The following SYNE2 variants were observed in gnomAD, a reference collection of about 807,000 sequenced individuals.
The protein encoded by SYNE2 is nesprin-2.
In SYNE2, 431 loss-of-function variants were observed where a neutral mutation model predicts 856.3. That is an observed-to-expected ratio of 0.50 (90% CI 0.47 to 0.55). The LOEUF (loss-of-function observed/expected upper bound fraction) is 0.55, where lower values mean the gene tolerates loss of function less well. SYNE2 is among the 20% of genes least tolerant of loss of function. SYNE2 has a pLI of 0.00. For synonymous variants in SYNE2, 2,923 were observed against 2,872.3 expected (o/e 1.02, Z -0.56); for missense variants, 8,129 against 8,023.2 (o/e 1.01, Z -0.50).
chr14:64,026,873 G>C (rs2096984283), intron 42 of SYNE2, 143 bp downstream of exon 42: 1 of 983,212 alleles, frequency 1.0e-6, no homozygotes. Context: ...ACAGTGTCAA[G>C]AGACAGAAAC....
chr14:64,203,054 G>A, intron 100 of SYNE2, 91 bp downstream of exon 100: 2 of 1,486,156 alleles, frequency 1.3e-6, no homozygotes, highest in Non-Finnish European at 1.8e-6. Flanking sequence ...GTGTTTTCAC[G>A]TGCTCACATT....
intron 94 of SYNE2, among the ~76,000 whole-genome samples, chr14:64,171,014 C>T (rs188308780): frequency 2.2e-3 from 336 of 152,158 alleles, no homozygotes; most frequent in African/African-American, 7.7e-3. Flanking sequence ...ATGGAAACCC[C>T]GTTCTCCATG....
At chr14:63,960,780 A>G (rs1196409351) in intron 8 of SYNE2, 2 of 763,812 alleles carry the variant, frequency 2.6e-6, no homozygotes, top group Non-Finnish European at 4.8e-6. Context: ...TATGCCTGGC[A>G]CAGTGTCTTG....
chr14:64,113,351 C>G lies in SYNE2; in HGVS notation c.12620C>G (p.Pro4207Arg), dbSNP rs2097827716. 2 of 1,613,858 alleles carry G rather than the reference C, an allele frequency of 1.2e-6. No individual in the cohort carries two copies. Among genetic ancestry groups the G allele is most frequent in the Non-Finnish European group, 8.5e-7 (1 of 1,180,046 alleles). The change falls in exon 66 of 116, where the codon CCT becomes CGT. Residue 4207 changes from proline (P) to arginine (R), a missense_variant. Pro to Arg is a moderately radical substitution (Grantham distance 103). Coordinates refer to ENST00000555002, the MANE Select transcript of SYNE2 (RefSeq NM_182914.3). Reference protein sequence around the residue: ...RPNQTEEGTTPPIEADTLDSS... With the variant: ...RPNQTEEGTTRPIEADTLDSS... ...TTGGATTTCTCTTAGGGCACCACACCTCCTATTGAGGCTGACACTCTGGAC... is the reference window on the plus strand; with the variant it reads ...TTGGATTTCTCTTAGGGCACCACACGTCCTATTGAGGCTGACACTCTGGAC...
chr14:63,968,423 A>G (rs1374531612), intron 11 of SYNE2, among the ~76,000 whole-genome samples: 3 of 152,152 alleles, frequency 2.0e-5, no homozygotes, highest in African/African-American at 4.8e-5. Context: ...ACAGTAGATT[A>G]TCTATATTTT....
intron 50 of SYNE2, 86 bp downstream of exon 50, chr14:64,062,981 T>C (rs988198948): frequency 4.5e-5 from 67 of 1,481,476 alleles, no homozygotes; most frequent in Non-Finnish European, 6.0e-5. Context: ...TGTGGTCCTG[T>C]TAAGACGCGT....
Position 63,983,873 on chromosome 14 carries a change from A to T in SYNE2, c.2138A>T (p.Asn713Ile). Residue 713 changes from asparagine (N) to isoleucine (I), a missense_variant, in exon 18 of 116, where the codon AAT (asparagine) becomes ATT (isoleucine). By Grantham distance (149) the Asn-to-Ile change is moderately radical. This residue lies in a region of SYNE2 where 2,422 missense variants were observed against 2,357.4 expected (regional missense o/e 1.03). Transcript: ENST00000555002. ...TCAGTAGAACTTCCTGAAAATTATA[A>T]TCAAAATATAAAGGTAAAATAATCA... ...DMSVELPENYNQNIKAGEKHE... is the reference protein window; with the variant it reads ...DMSVELPENYIQNIKAGEKHE... The T allele has an allele frequency of 1.3e-6, 2 of 1,543,556 alleles. No homozygotes were observed. The highest frequency in any genetic ancestry group is 2.3e-5 in the South Asian group (2 of 87,414).
At chr14:64,127,837 A>T (rs528605139) in intron 73 of SYNE2, among the ~76,000 whole-genome samples, 47 of 152,370 alleles carry the variant, frequency 3.1e-4, no homozygotes, top group African/African-American at 1.1e-3. Flanking sequence ...CAGGTTAAAC[A>T]GCACACTGGG....
intron 6 of SYNE2, among the ~76,000 whole-genome samples, chr14:63,944,122 C>T (rs1278272374): frequency 1.3e-5 from 2 of 151,024 alleles, no homozygotes; most frequent in Non-Finnish European, 2.9e-5. Context: ...CTGTAATCTA[C>T]CACTCACTAT....
intron 54 of SYNE2, among the ~76,000 whole-genome samples, chr14:64,077,022 C>G (rs866782639): frequency 3.3e-5 from 5 of 152,088 alleles, no homozygotes; most frequent in South Asian, 2.1e-4. Context: ...TTGAGAGAAA[C>G]TAAATGTTAT....
At chr14:64,222,017 G>A (rs2098696629) in intron 112 of SYNE2, among the ~76,000 whole-genome samples, 1 of 152,214 alleles carries the variant, frequency 6.6e-6, no homozygotes, top group Admixed American at 6.5e-5. Context: ...TGCTCATTGG[G>A]GAGAAATATG....
At chr14:63,992,018 G>C (rs2096670832) in intron 21 of SYNE2, among the ~76,000 whole-genome samples, 1 of 152,014 alleles carries the variant, frequency 6.6e-6, no homozygotes, top group Admixed American at 6.6e-5. Flanking sequence ...AGTCATTTCA[G>C]CATTGCTTTT....
At chr14:63,807,341 CA>C (rs574264237) in intron 1 of SYNE2, among the ~76,000 whole-genome samples, 945 of 86,632 alleles carry the variant, frequency 0.011, 10 homozygotes, top group African/African-American at 0.027. Context: ...GACCCTGTCT[CA>C]AAAAAAAAAA....
At chr14:64,038,695 C>T (rs1423080655) in intron 45 of SYNE2, among the ~76,000 whole-genome samples, 1 of 152,244 alleles carries the variant, frequency 6.6e-6, no homozygotes, top group Admixed American at 6.5e-5. Context: ...ATACGAAAAC[C>T]AGTCAGGCGT....
At chr14:64,037,669 GGCCGGGC>G in intron 45 of SYNE2, among the ~76,000 whole-genome samples, 21 of 16,358 alleles carry the variant, frequency 1.3e-3, no homozygotes, top group Admixed American at 9.5e-3. Flanking sequence ...ACAGGGTGGT[GGCCGGGC>G]AGAGGGGCCC....
chr14:64,209,686 C>A (rs1259837474), intron 102 of SYNE2, 108 bp downstream of exon 102: 2 of 1,495,662 alleles, frequency 1.3e-6, no homozygotes, highest in Non-Finnish European at 1.8e-6. Context: ...TCACCTCTGG[C>A]AAGGGCTGCC....
At chr14:63,919,834 G>A (rs913913214) in intron 2 of SYNE2, among the ~76,000 whole-genome samples, 1 of 152,150 alleles carries the variant, frequency 6.6e-6, no homozygotes, top group African/African-American at 2.4e-5. Context: ...CTTAGCCACT[G>A]TCAAGAGGTG....
At chr14:64,044,783 G>T (rs1595103240) in intron 45 of SYNE2, among the ~76,000 whole-genome samples, 1 of 152,140 alleles carries the variant, frequency 6.6e-6, no homozygotes, top group Admixed American at 6.5e-5. Flanking sequence ...CGCCATTCAT[G>T]TAAGATATGA....
chr14:64,116,588 T>C (rs2097855410), intron 66 of SYNE2, among the ~76,000 whole-genome samples: 1 of 152,184 alleles, frequency 6.6e-6, no homozygotes, highest in African/African-American at 2.4e-5. Flanking sequence ...TGGCTAATTT[T>C]TGTATTTTTA....
Sources: allele counts gnomAD v4.1 joint callset (sites outside exome capture counted in the v4.1 genomes callset), GRCh38; gene constraint gnomAD v4.1.1; regional missense constraint gnomAD v4.1.1; transcripts MANE v1.5; gene names NCBI Gene and HGNC (gene_info 2026-07-23, HGNC 2026-07-21).